Variants in PGM5 observed in about 807,000 individuals in gnomAD.
The protein encoded by PGM5 is phosphoglucomutase 5, also known as phosphoglucomutase-like protein 5.
In PGM5, 23 loss-of-function variants were observed where a neutral mutation model predicts 59.2. That is an observed-to-expected ratio of 0.39 (90% CI 0.28 to 0.55). The LOEUF is 0.55. Ranked by LOEUF, PGM5 falls within the 20% of genes least tolerant of loss-of-function variation. The probability of loss-of-function intolerance (pLI) is 0.66; values close to 1 mark genes in which losing one functional copy is unlikely to be tolerated. For missense variants in PGM5, 574 were observed against 748.3 expected (o/e 0.77, Z 2.72); for synonymous variants, 214 against 286.0 (o/e 0.75, Z 2.54).
chr9:68,475,346 A>G lies in PGM5; in HGVS notation c.1160-4072A>G, dbSNP rs1824087283. ...CACCGTGCCTGGCTAACAACTTTAA[A>G]AATTTATTTTTTTCTTATGAAATAA... is the stretch of plus-strand genomic sequence containing the variant. On this transcript the variant is annotated intron_variant, in intron 7 of 10. Coordinates refer to ENST00000396396, the MANE Select transcript of PGM5 (RefSeq NM_021965.4). Among the ~76,000 whole-genome samples the G allele has an allele frequency of 2.0e-5, 3 of 151,896 alleles. No homozygotes were observed. The South Asian group carries it at 6.2e-4, about 32-fold the overall frequency.
intron 10 of PGM5, among the ~76,000 whole-genome samples, chr9:68,501,343 A>G (rs577344338): frequency 1.6e-4 from 25 of 152,352 alleles, no homozygotes; most frequent in Middle Eastern, 3.4e-3. Context: ...GAGTCAGGAT[A>G]TAACATAGAG....
chr9:68,423,663 C>G (rs1371164472), intron 6 of PGM5, among the ~76,000 whole-genome samples: 4 of 150,100 alleles, frequency 2.7e-5, no homozygotes, highest in South Asian at 2.1e-4. Context: ...CTGTCTCTCT[C>G]TCTCTCTCTC....
intron 6 of PGM5, among the ~76,000 whole-genome samples, chr9:68,453,223 T>G (rs1233281611): frequency 6.6e-6 from 1 of 152,208 alleles, no homozygotes; most frequent in Non-Finnish European, 1.5e-5. Context: ...CATAATAAAT[T>G]TATAGCACTG....
chr9:68,441,176 T>C (rs1823523424), intron 6 of PGM5, among the ~76,000 whole-genome samples: 1 of 151,778 alleles, frequency 6.6e-6, no homozygotes, highest in Admixed American at 6.6e-5. Flanking sequence ...TTCCAAAAAA[T>C]CCTAGTGCAA....
At chr9:68,510,156 T>C (rs1174538223) in intron 10 of PGM5, among the ~76,000 whole-genome samples, 2 of 143,068 alleles carry the variant, frequency 1.4e-5, no homozygotes, top group Non-Finnish European at 3.1e-5. Context: ...ATTTTTTTTT[T>C]TTTTTTTTTT....
chr9:68,361,238 T>C (rs1226096228), intron 1 of PGM5, among the ~76,000 whole-genome samples: 1 of 152,210 alleles, frequency 6.6e-6, no homozygotes, highest in African/African-American at 2.4e-5. Flanking sequence ...GGACACACAT[T>C]GCATTTGATT....
chr9:68,460,614 T>A (rs1309821472), intron 6 of PGM5, among the ~76,000 whole-genome samples: 1 of 152,198 alleles, frequency 6.6e-6, no homozygotes, highest in Non-Finnish European at 1.5e-5. Flanking sequence ...AGATAAAGCA[T>A]GCAGAAATGA....
chr9:68,444,339 G>A (rs1220526220), intron 6 of PGM5, among the ~76,000 whole-genome samples: 3 of 152,120 alleles, frequency 2.0e-5, no homozygotes, highest in Admixed American at 6.6e-5. Flanking sequence ...TCAGTCAAAT[G>A]CTAGTGCATA....
intron 9 of PGM5, chr9:68,496,928 C>T (rs1824491047): frequency 6.6e-6 from 1 of 152,182 alleles, no homozygotes; most frequent in African/African-American, 2.4e-5. Flanking sequence ...TTGCTTTAAC[C>T]AATTTATGGG....
In PGM5 at chr9:68,387,524, T is replaced by C. The variant is rs782189932; in HGVS notation, c.633T>C (p.His211=). Residue 211 remains histidine (H), a synonymous_variant, in exon 4 of 11, where the codon CAT becomes CAC. Transcript: ENST00000396396. ...LNLLRTIFDF[H]AIKGLLTGPS... is the part of the protein sequence containing the mutation. ...TCCTTCGGACCATCTTTGACTTTCA[T>C]GCCATCAAGGGTTTGCTGACTGGAC... 1.1e-5 allele frequency: 17 copies of C among 1,612,024 alleles called. No individual in the cohort carries two copies. The highest frequency in any genetic ancestry group is 8.3e-5 in the Admixed American group (5 of 59,920).
At chr9:68,502,170 G>A (rs1025265266) in intron 10 of PGM5, among the ~76,000 whole-genome samples, 9 of 152,204 alleles carry the variant, frequency 5.9e-5, no homozygotes, top group Non-Finnish European at 7.3e-5. Flanking sequence ...ATCCCACTCT[G>A]TGTCCTTGGT....
intron 6 of PGM5, among the ~76,000 whole-genome samples, chr9:68,451,338 T>C (rs546105747): frequency 6.6e-4 from 100 of 152,322 alleles, no homozygotes; most frequent in South Asian, 2.5e-3. Context: ...TATAACACTT[T>C]AGAATAATTT....
intron 9 of PGM5, among the ~76,000 whole-genome samples, chr9:68,495,074 A>C (rs60239908): frequency 0.019 from 2,863 of 152,296 alleles, 91 homozygotes; most frequent in African/African-American, 0.063. Flanking sequence ...TGAATGAGGT[A>C]TATAAGGCTC....
chr9:68,432,460 G>C (rs1333295171), intron 6 of PGM5, among the ~76,000 whole-genome samples: 2 of 151,826 alleles, frequency 1.3e-5, no homozygotes, highest in African/African-American at 4.8e-5. Context: ...CTCAGCCTCT[G>C]AAAGTGGTGA....
At chr9:68,393,609 G>A (rs1401802516) in intron 6 of PGM5, among the ~76,000 whole-genome samples, 2 of 152,086 alleles carry the variant, frequency 1.3e-5, no homozygotes, top group South Asian at 2.1e-4. Context: ...TCAACCAGGT[G>A]TAGTGGCATG....
chr9:68,527,635 T>A (rs1211086168), intron 10 of PGM5, among the ~76,000 whole-genome samples: 1 of 152,128 alleles, frequency 6.6e-6, no homozygotes, highest in Non-Finnish European at 1.5e-5. Flanking sequence ...AGGAAAAGAA[T>A]CCCTTCTGTT....
intron 6 of PGM5, among the ~76,000 whole-genome samples, chr9:68,438,218 G>A (rs559967198): frequency 3.3e-5 from 5 of 149,770 alleles, no homozygotes; most frequent in African/African-American, 9.9e-5. Context: ...GAACCCAGGA[G>A]GCAGAGGTTG....
chr9:68,519,415 T>C (rs989720940), intron 10 of PGM5, among the ~76,000 whole-genome samples: 1 of 151,958 alleles, frequency 6.6e-6, no homozygotes, highest in African/African-American at 2.4e-5. Flanking sequence ...CTTGAATATA[T>C]TGGAAGAAAA....
chr9:68,383,084 G>A (rs116894177), intron 2 of PGM5, among the ~76,000 whole-genome samples: 6,207 of 151,792 alleles, frequency 0.041, 129 homozygotes, highest in Middle Eastern at 0.051. Flanking sequence ...TTATTTCTTT[G>A]AGGACTTCAC....
Sources: gnomAD v4.1 joint callset for allele counts (sites outside exome capture counted in the v4.1 genomes callset) on GRCh38, gnomAD v4.1.1 for gene constraint, MANE v1.5 for transcripts, NCBI Gene and HGNC (gene_info 2026-07-23, HGNC 2026-07-21) for gene names.